The following PALLD variants were observed in gnomAD, a reference collection of about 807,000 sequenced individuals.
PALLD encodes palladin, cytoskeletal associated protein, also known as palladin.
PALLD carries 61 observed loss-of-function variants against 123.5 expected under a neutral mutation model. That is an observed-to-expected ratio of 0.49 (90% confidence interval 0.40 to 0.61). The LOEUF (loss-of-function observed/expected upper bound fraction) is 0.61. Ranked by LOEUF, PALLD falls within the 20% of genes least tolerant of loss-of-function variation. The pLI is 0.00. For synonymous variants in PALLD, 465 were observed against 496.4 expected, an observed-to-expected ratio of 0.94 and a Z score of 0.84; for missense variants, 1,273 against 1,377.0, an observed-to-expected ratio of 0.92 and a Z score of 1.20.
At chr4:168,594,021 C>T (rs1469421458) in intron 2 of PALLD, among the ~76,000 whole-genome samples, 1 of 151,964 alleles carries the variant, frequency 6.6e-6, no homozygotes, top group Non-Finnish European at 1.5e-5. Flanking sequence ...TGTTAATGGC[C>T]TCTTGGTTTT....
chr4:168,922,068 T>TATATAAGCAAATATAAAGCAA (rs1657449538), intron 18 of PALLD, among the ~76,000 whole-genome samples: 2 of 149,708 alleles, frequency 1.3e-5, no homozygotes, highest in Admixed American at 1.3e-4. Context: ...AATTTGCTTA[T>TATATAAGCAAATATAAAGCAA]ATATAAAGTT....
intron 10 of PALLD, among the ~76,000 whole-genome samples, chr4:168,793,824 T>C (rs1052304744): frequency 2.0e-5 from 3 of 152,192 alleles, no homozygotes; most frequent in African/African-American, 7.2e-5. Context: ...TTCTAGTAGC[T>C]TTCAGATAGA....
intron 2 of PALLD, among the ~76,000 whole-genome samples, chr4:168,525,709 AC>A (rs925524994): frequency 6.6e-6 from 1 of 152,178 alleles, no homozygotes; most frequent in African/African-American, 2.4e-5. Context: ...AGATACCATC[AC>A]CCTTAGTAAT....
rs1037527365 is a variant in PALLD at position 168,623,059 on chromosome 4, A to G, written c.909-45131A>G. ...CTCTGTCCTTTGAGCCTTAGAAAATATCTACATCAAGGCCTTTCTATTGTA... is the reference window on the plus strand; with the variant it reads ...CTCTGTCCTTTGAGCCTTAGAAAATGTCTACATCAAGGCCTTTCTATTGTA... On this transcript the variant is annotated intron_variant, in intron 2 of 21. Coordinates refer to ENST00000505667, the MANE Select transcript of PALLD (RefSeq NM_001166108.2). Among the ~76,000 whole-genome samples, 8 of 152,228 alleles carry G rather than the reference A, an allele frequency of 5.3e-5. No individual in the cohort carries two copies. In the East Asian group the frequency reaches 9.6e-4, roughly 18 times the overall value.
At chr4:168,665,488 G>A (rs757553818) in intron 2 of PALLD, among the ~76,000 whole-genome samples, 2 of 152,136 alleles carry the variant, frequency 1.3e-5, no homozygotes, top group African/African-American at 2.4e-5. Flanking sequence ...GCATGAACCC[G>A]GGAGGCGGAG....
chr4:168,531,317 A>G (rs1764577582), intron 2 of PALLD, among the ~76,000 whole-genome samples: 1 of 152,186 alleles, frequency 6.6e-6, no homozygotes, highest in Non-Finnish European at 1.5e-5. Context: ...GGATGGTTAG[A>G]CCCAGAACCT....
chr4:168,717,913 G>C (rs904511022), intron 10 of PALLD, among the ~76,000 whole-genome samples: 5 of 152,144 alleles, frequency 3.3e-5, no homozygotes, highest in African/African-American at 7.2e-5. Context: ...AAAACATTAT[G>C]AAAAATGAGA....
chr4:168,545,840 C>T (rs778540496), intron 2 of PALLD, among the ~76,000 whole-genome samples: 3 of 152,114 alleles, frequency 2.0e-5, no homozygotes, highest in Non-Finnish European at 4.4e-5. Flanking sequence ...GAAAGAGGAA[C>T]AGTTCTATCA....
At chr4:168,804,785 A>G (rs1345864758) in intron 10 of PALLD, among the ~76,000 whole-genome samples, 1 of 152,236 alleles carries the variant, frequency 6.6e-6, no homozygotes, top group Non-Finnish European at 1.5e-5. Flanking sequence ...CACAAGAGTT[A>G]TGTATTCAGA....
At chr4:168,733,508 A>T (rs113219814) in intron 10 of PALLD, among the ~76,000 whole-genome samples, 1,792 of 151,516 alleles carry the variant, frequency 0.012, 34 homozygotes, top group African/African-American at 0.041. Context: ...ACTTGATCAT[A>T]ATTGTAAAAT....
chr4:168,904,267 G>A, intron 15 of PALLD: 1 of 253,524 alleles, frequency 3.9e-6, no homozygotes, highest in South Asian at 5.5e-5. Context: ...GAAAATAAAG[G>A]AGAAAAAGAG....
At chr4:168,653,777 T>A (rs531608563) in intron 2 of PALLD, among the ~76,000 whole-genome samples, 1 of 152,264 alleles carries the variant, frequency 6.6e-6, no homozygotes, top group Admixed American at 6.5e-5. Context: ...TGCAGCTCAC[T>A]GCAACCTCTG....
chr4:168,734,273 GA>G (rs1464787785), intron 10 of PALLD, among the ~76,000 whole-genome samples: 1 of 151,168 alleles, frequency 6.6e-6, no homozygotes, highest in African/African-American at 2.4e-5. Context: ...TCCTGGGTTT[GA>G]TTTTTTTTTT....
rs1169064620 is a variant in PALLD at position 168,822,296 on chromosome 4, GGAGGGGAGGCAGGTAGC to G, written c.1965-68625_1965-68609del. 2.0e-5 allele frequency among the ~76,000 whole-genome samples: 3 copies of G among 151,684 alleles called. No individual in the cohort carries two copies. In the East Asian group the frequency reaches 5.8e-4, roughly 29 times the overall value. On this transcript the variant is annotated intron_variant, in intron 10 of 21. Transcript: ENST00000505667. ...TCTTTTTGGGGAGGGGGTGGGGTGG[GGAGGGGAGGCAGGTAGC>G]AAAGTACTCTTCACCACAAAGAAGT... is the stretch of plus-strand genomic sequence containing the variant.
chr4:168,754,969 A>G (rs1303007874), intron 10 of PALLD, among the ~76,000 whole-genome samples: 2 of 152,198 alleles, frequency 1.3e-5, no homozygotes, highest in Admixed American at 1.3e-4. Flanking sequence ...GCAGTGGCTC[A>G]CGTCTGTAAT....
chr4:168,924,436 G>A lies in PALLD; in HGVS notation c.3224+16G>A, dbSNP rs1762179135. 1 of 1,608,618 alleles carries A rather than the reference G, an allele frequency of 6.2e-7. No homozygotes were observed. Among genetic ancestry groups the A allele is most frequent in the East Asian group, 2.2e-5 (1 of 44,838 alleles). On this transcript the variant is annotated intron_variant, in intron 19 of 21. Coordinates refer to ENST00000505667, the MANE Select transcript of PALLD (RefSeq NM_001166108.2). ...ACCGAGTGAGGTAAGACTGCACAAT[G>A]AGAACCTGATCCTTAACTGTTCAGT...
intron 10 of PALLD, among the ~76,000 whole-genome samples, chr4:168,715,878 G>A (rs368748964): frequency 6.6e-6 from 1 of 152,022 alleles, no homozygotes; most frequent in Non-Finnish European, 1.5e-5. Context: ...TGAACCCGGA[G>A]GGCGGAGCCT....
chr4:168,763,142 G>A (rs1057189976), intron 10 of PALLD, among the ~76,000 whole-genome samples: 2 of 152,138 alleles, frequency 1.3e-5, no homozygotes, highest in East Asian at 1.9e-4. Context: ...TGGACATTCT[G>A]CACGTGTATC....
rs76835841 is a variant in PALLD at position 168,772,108 on chromosome 4, C to A, written c.1964+60185C>A. Among the ~76,000 whole-genome samples, 919 of 152,180 alleles carry A rather than the reference C, an allele frequency of 6.0e-3. 4 individuals carry two copies. The highest frequency in any genetic ancestry group is 0.027 in the Middle Eastern group (8 of 294). ...GTATGTGCCTAGCATTCAACACTCACAACAGCCTTGCGAAATAGGACTATT... is the reference window on the plus strand; with the variant it reads ...GTATGTGCCTAGCATTCAACACTCAAAACAGCCTTGCGAAATAGGACTATT... On this transcript the variant is annotated intron_variant, in intron 10 of 21. Coordinates refer to ENST00000505667, the MANE Select transcript of PALLD (RefSeq NM_001166108.2).
Sources: gnomAD v4.1 joint callset for allele counts (sites outside exome capture counted in the v4.1 genomes callset) on GRCh38, gnomAD v4.1.1 for gene constraint, MANE v1.5 for transcripts, NCBI Gene and HGNC (gene_info 2026-07-23, HGNC 2026-07-21) for gene names.